NR3C1: variants seen among roughly 807,000 people sequenced by gnomAD.
The protein encoded by NR3C1 is glucocorticoid receptor.
NR3C1 carries 14 observed loss-of-function variants against 74.0 expected under a neutral mutation model. The observed-to-expected ratio is 0.19, with a 90% CI of 0.12 to 0.30. NR3C1 has a LOEUF of 0.30. Among genes scored for constraint, NR3C1 ranks in the 10% least tolerant of loss-of-function variants. The pLI is 1.00. For synonymous variants in NR3C1, 308 were observed against 332.5 expected (o/e 0.93, Z 0.80); for missense variants, 695 against 909.8 (o/e 0.76, Z 3.04).
Position 143,400,191 on chromosome 5 carries a change from G to A in NR3C1, c.649C>T (p.Leu217=), listed in dbSNP as rs780635602. 5.0e-6 allele frequency: 8 copies of A among 1,612,592 alleles called. No homozygotes were observed. The highest frequency in any genetic ancestry group is 6.8e-6 in the Non-Finnish European group (8 of 1,179,484). The change falls in exon 2 of 9, where the codon CTG becomes TTG. Residue 217 remains leucine, a synonymous_variant. Transcript: ENST00000394464. ...ETNESPWRSD[L]LIDENCLLSP... ...AGCAAACAGTTTTCATCTATCAACA[G>A]GTCTGATCTCCAAGGACTCTCATTC...
Position 143,399,991 on chromosome 5 carries a change from G to T in NR3C1, c.849C>A (p.Phe283Leu). 3 of 1,614,154 alleles carry T rather than the reference G, an allele frequency of 1.9e-6. No homozygotes were observed. The highest frequency in any genetic ancestry group is 2.5e-6 in the Non-Finnish European group (3 of 1,180,024). The change falls in exon 2 of 9, where the codon TTC becomes TTA. Residue 283 changes from phenylalanine (F) to leucine (L), a missense_variant. By Grantham distance (22) the Phe-to-Leu change is conservative. Transcript: ENST00000394464. ...TTACCCCAGGGGTGCAGAGTTCGATGAAATCTTCTTTTTCTGTTTTCACTT... is the reference window on the plus strand; with the variant it reads ...TTACCCCAGGGGTGCAGAGTTCGATTAAATCTTCTTTTTCTGTTTTCACTT... ...LPQVKTEKED[F>L]IELCTPGVIK...
Position 143,300,486 on chromosome 5 carries a change from T to G in NR3C1, c.1746A>C (p.Pro582=). 3 of 1,614,196 alleles carry G rather than the reference T, an allele frequency of 1.9e-6. 1 individual carries two copies. The highest frequency in any genetic ancestry group is 2.5e-6 in the Non-Finnish European group (3 of 1,180,004). Reference sequence around the variant, plus strand: ...GCTCTTTTATGTTTTGCATCTTACCTGGTATTGCCTTTGCCCATTTCACTG... The same window carrying G: ...GCTCTTTTATGTTTTGCATCTTACCGGGTATTGCCTTTGCCCATTTCACTG... ...IAAVKWAKAI[P]GFRNLHLDDQ... Residue 582 remains proline, a splice_region_variant and synonymous_variant, in exon 5 of 9, where the codon CCA becomes CCC. Transcript: ENST00000394464. This position sits in a 1 kb window ranked among gnomAD's most constrained non-coding sequence, Gnocchi z 5.2.
chr5:143,322,232 A>C (rs1823539120), intron 2 of NR3C1, among the ~76,000 whole-genome samples: 1 of 152,230 alleles, frequency 6.6e-6, no homozygotes, highest in Non-Finnish European at 1.5e-5. Flanking sequence ...AGTTGCCTAA[A>C]GTGATCTAAG....
intron 1 of NR3C1, among the ~76,000 whole-genome samples, chr5:143,416,104 A>G (rs1405925156): frequency 6.6e-6 from 1 of 152,210 alleles, no homozygotes; most frequent in Non-Finnish European, 1.5e-5. Context: ...CCATCCTACC[A>G]GGGACCCTGA....
intron 2 of NR3C1, among the ~76,000 whole-genome samples, chr5:143,384,375 A>G (rs1476832222): frequency 6.6e-6 from 1 of 152,220 alleles, no homozygotes; most frequent in East Asian, 1.9e-4. Flanking sequence ...TGCATTCTCA[A>G]TAGTCCCCGG....
intron 1 of NR3C1, chr5:143,402,766 C>G (rs1037711256): frequency 2.0e-6 from 2 of 985,370 alleles, no homozygotes; most frequent in Non-Finnish European, 2.4e-6. Context: ...CCCGGGCTCG[C>G]GCTCGGGCGC....
At chr5:143,319,648 T>C (rs1406453490) in intron 2 of NR3C1, among the ~76,000 whole-genome samples, 1 of 152,132 alleles carries the variant, frequency 6.6e-6, no homozygotes, top group African/African-American at 2.4e-5. Flanking sequence ...GGAAATGCTA[T>C]TGGCATCTAA....
rs72542756 is a variant in NR3C1 at position 143,282,199 on chromosome 5, A to G, written c.2182-158T>C. 1.0e-3 allele frequency among the ~76,000 whole-genome samples: 155 copies of G among 152,292 alleles called. 3 individuals carry two copies. The East Asian group carries it at 0.022, about 22-fold the overall frequency. On this transcript the variant is annotated intron_variant, in intron 8 of 8. Transcript: ENST00000394464. Reference sequence around the variant, plus strand: ...AAATAAGCACTTCCGTACAAAACACATTTTATATTTCTTTGATTGTATGTA... The same window carrying G: ...AAATAAGCACTTCCGTACAAAACACGTTTTATATTTCTTTGATTGTATGTA...
chr5:143,343,417 G>A (rs1828626510), intron 2 of NR3C1, among the ~76,000 whole-genome samples: 1 of 152,146 alleles, frequency 6.6e-6, no homozygotes, highest in African/African-American at 2.4e-5. Flanking sequence ...GATACATGAT[G>A]GCTAACAACC....
chr5:143,317,334 C>T (rs1446841545), intron 2 of NR3C1, among the ~76,000 whole-genome samples: 1 of 152,108 alleles, frequency 6.6e-6, no homozygotes, highest in African/African-American at 2.4e-5. Context: ...GCATATTTCA[C>T]CCCCTTTGAA....
At chr5:143,362,950 T>C (rs1445951017) in intron 2 of NR3C1, among the ~76,000 whole-genome samples, 1 of 152,160 alleles carries the variant, frequency 6.6e-6, no homozygotes, top group African/African-American at 2.4e-5. Context: ...GAGGGCCACA[T>C]GCATGAGTAG....
At position 143,310,204 on chromosome 5, in the gene NR3C1, T is replaced by C. The variant is rs531660170; in HGVS notation, c.1361A>G (p.Asn454Ser). 45 of 1,610,102 alleles carry C rather than the reference T, an allele frequency of 2.8e-5. No homozygotes were observed. The highest frequency in any genetic ancestry group is 1.6e-4 in the African/African-American group (12 of 74,988). ...FFKRAVEGQH[N>S]YLCAGRNDCI... ...ATCATTCCTTCCAGCACATAGGTAATTGTGCTGTCCTATATGGAATAAAAG... is the reference window on the plus strand; with the variant it reads ...ATCATTCCTTCCAGCACATAGGTAACTGTGCTGTCCTATATGGAATAAAAG... Residue 454 changes from asparagine (N) to serine (S), a missense_variant, in exon 4 of 9, where the codon AAT becomes AGT. Asn to Ser is a conservative substitution (Grantham distance 46). Around this residue, in one of 4 missense-constraint regions of NR3C1, gnomAD observed 23 missense variants for 83.1 expected, o/e 0.28. Coordinates refer to ENST00000394464, the MANE Select transcript of NR3C1 (RefSeq NM_000176.3).
At chr5:143,414,277 C>T (rs1402624017) in intron 1 of NR3C1, among the ~76,000 whole-genome samples, 1 of 152,104 alleles carries the variant, frequency 6.6e-6, no homozygotes, top group East Asian at 1.9e-4. Flanking sequence ...AATATGATTC[C>T]AACAATATGA....
In NR3C1 at chr5:143,295,511, C is replaced by A; in HGVS notation, c.1972G>T (p.Val658Leu). 1 of 1,613,172 alleles carries A rather than the reference C, an allele frequency of 6.2e-7. No homozygotes were observed. The change falls in exon 7 of 9, where the codon GTA becomes TTA. Residue 658 changes from valine to leucine, a missense_variant. This residue lies in a region of NR3C1 where 133 missense variants were observed against 287.9 expected (regional missense o/e 0.46). Transcript: ENST00000394464. ...ATACAGAGATACTCTTCATAAGATA[C>A]CTGAAGCCTGTGTAACTCAGAGGAA... ...YVSSELHRLQ[V>L]SYEEYLCMKT...
In NR3C1 at chr5:143,332,961, C is replaced by T. The variant is rs898280066; in HGVS notation, c.1185-18793G>A. ...GTCTGTCCGAGAACTCATTTTGAAA[C>T]GTGGACAAGCCAAGGTCAAGAATAA... On this transcript the variant is annotated intron_variant, in intron 2 of 8. Coordinates refer to ENST00000394464, the MANE Select transcript of NR3C1 (RefSeq NM_000176.3). 1.6e-5 allele frequency: 26 copies of T among 1,581,868 alleles called. No homozygotes were observed. In the East Asian group the frequency reaches 2.0e-4, roughly 12 times the overall value.
chr5:143,312,450 T>C (rs1373003577), intron 3 of NR3C1, among the ~76,000 whole-genome samples: 1 of 152,088 alleles, frequency 6.6e-6, no homozygotes, highest in Non-Finnish European at 1.5e-5. Context: ...CTTTGGCTAG[T>C]GTAGTAGTCC....
intron 2 of NR3C1, among the ~76,000 whole-genome samples, chr5:143,336,247 T>C (rs1340100374): frequency 6.6e-6 from 1 of 152,228 alleles, no homozygotes; most frequent in East Asian, 1.9e-4. Flanking sequence ...GTTTGAAGTG[T>C]ATGTGAGCTT....
At chr5:143,434,853 T>C in exon 1 of NR3C1, 1 of 985,418 alleles carries the variant, frequency 1.0e-6, no homozygotes, top group Non-Finnish European at 1.2e-6. Context: ...AGAAGCCAGC[T>C]ACACAACTCT....
chr5:143,435,263 G>A lies in NR3C1; in HGVS notation c.-745C>T, dbSNP rs61757431. The A allele has an allele frequency of 3.1e-4, 304 of 985,270 alleles. 2 individuals carry two copies. The African/African-American group carries it at 4.8e-3, about 16-fold the overall frequency. The allele number at this position is 985,270 out of a possible 1,614,324, so 61.0% of individuals were successfully genotyped here. On this transcript the variant is annotated 5_prime_UTR_variant, in exon 1 of 9. Transcript: ENST00000343796. ...CCCAGTGCTTCCGTTGGACACATGC[G>A]CATTTTACGGTCCTGCAGGGCTTGA...
Sources: gnomAD v4.1 joint callset for allele counts (sites outside exome capture counted in the v4.1 genomes callset) on GRCh38, gnomAD v4.1.1 for gene constraint, gnomAD v4.1.1 regional missense constraint, Gnocchi (gnomAD v3.1) non-coding constraint, MANE v1.5 for transcripts, NCBI Gene and HGNC (gene_info 2026-07-23, HGNC 2026-07-21) for gene names.